Variants in ENPP6 observed in about 807,000 individuals in gnomAD.
ENPP6 encodes glycerophosphocholine cholinephosphodiesterase ENPP6.
A neutral mutation model predicts 42.0 loss-of-function variants in ENPP6; 32 were observed. That is an observed-to-expected ratio of 0.76 (90% CI 0.58 to 1.02). The LOEUF (loss-of-function observed/expected upper bound fraction) is 1.02. Among genes scored for constraint, ENPP6 ranks in the 50% least tolerant of loss-of-function variants. The probability of loss-of-function intolerance (pLI) is 0.00; values close to 1 mark genes in which losing one functional copy is unlikely to be tolerated. For synonymous variants in ENPP6, 213 were observed against 216.0 expected, an observed-to-expected ratio of 0.99 and a Z score of 0.12; for missense variants, 552 against 566.8, an observed-to-expected ratio of 0.97 and a Z score of 0.27.
chr4:184,217,481 T>A, intron 1 of ENPP6, 98 bp downstream of exon 1: 1 of 1,504,202 alleles, frequency 6.6e-7, no homozygotes, highest in South Asian at 1.3e-5. Flanking sequence ...GACTAGAGAA[T>A]CCAGAGCATT....
chr4:184,131,204 C>CTTT (rs879359392), intron 2 of ENPP6, among the ~76,000 whole-genome samples: 9 of 45,204 alleles, frequency 2.0e-4, no homozygotes, highest in South Asian at 8.0e-4. Context: ...TTTCTTTCTT[C>CTTT]TTTCTTTCTT....
At position 184,091,176 on chromosome 4, in the gene ENPP6, G is replaced by C; in HGVS notation, c.*1C>G. 1.9e-6 allele frequency: 3 copies of C among 1,543,930 alleles called. No individual in the cohort carries two copies. The highest frequency in any genetic ancestry group is 2.6e-6 in the Non-Finnish European group (3 of 1,144,648). ...TTTTCTGAGACAAGCAATATGATCA[G>C]TTATGCAAGCAGGAAGAGAAGAATC... On this transcript the variant is annotated 3_prime_UTR_variant, in exon 8 of 8. Coordinates refer to ENST00000296741, the MANE Select transcript of ENPP6 (RefSeq NM_153343.4).
chr4:184,091,894 T>C (rs1735810474), intron 7 of ENPP6, among the ~76,000 whole-genome samples: 1 of 152,092 alleles, frequency 6.6e-6, no homozygotes, highest in Non-Finnish European at 1.5e-5. Context: ...AGATCCTGTC[T>C]CAAAAAAAGG....
chr4:184,100,898 G>C (rs961623264), intron 6 of ENPP6, among the ~76,000 whole-genome samples: 2 of 152,230 alleles, frequency 1.3e-5, no homozygotes, highest in African/African-American at 4.8e-5. Flanking sequence ...GGCCACAGAG[G>C]TGGAGGGCGG....
intron 1 of ENPP6, among the ~76,000 whole-genome samples, chr4:184,181,441 TA>T (rs1381392317): frequency 1.3e-5 from 2 of 152,318 alleles, no homozygotes; most frequent in East Asian, 3.9e-4. Context: ...CTGCCCGAAG[TA>T]ATTTATAGAT....
At chr4:184,112,385 G>A (rs1451923595) in intron 6 of ENPP6, among the ~76,000 whole-genome samples, 3 of 152,178 alleles carry the variant, frequency 2.0e-5, no homozygotes, top group African/African-American at 4.8e-5. Context: ...ACTTTCAAGC[G>A]AACAGGTTAC....
At chr4:184,205,398 C>T (rs1732978440) in intron 1 of ENPP6, among the ~76,000 whole-genome samples, 1 of 152,226 alleles carries the variant, frequency 6.6e-6, no homozygotes, top group African/African-American at 2.4e-5. Context: ...CGATGCCCAG[C>T]TTGGGCCTTT....
intron 2 of ENPP6, among the ~76,000 whole-genome samples, chr4:184,140,069 A>G (rs1472073128): frequency 6.7e-6 from 1 of 149,930 alleles, no homozygotes; most frequent in Non-Finnish European, 1.5e-5. Context: ...GTGAGATGGT[A>G]TCTCATTGTG....
intron 1 of ENPP6, among the ~76,000 whole-genome samples, chr4:184,168,058 C>A (rs1350275093): frequency 1.3e-5 from 2 of 152,070 alleles, no homozygotes; most frequent in Non-Finnish European, 2.9e-5. Context: ...AGGATGAGAA[C>A]TGGCAGGAAC....
At chr4:184,118,029 A>C in intron 3 of ENPP6, 129 bp from the exon 4 acceptor site, 1 of 1,162,994 alleles carries the variant, frequency 8.6e-7, no homozygotes, top group Non-Finnish European at 1.2e-6. Context: ...GACAAAGCCA[A>C]TACCCTAAAA....
chr4:184,113,915 C>CTTTCTT (rs1560981869), intron 5 of ENPP6, among the ~76,000 whole-genome samples: 1 of 127,436 alleles, frequency 7.8e-6, no homozygotes, highest in South Asian at 2.6e-4. Flanking sequence ...TTCTTTCTTT[C>CTTTCTT]TTTCTTTCTT....
At chr4:184,131,957 A>T (rs7695031) in intron 2 of ENPP6, among the ~76,000 whole-genome samples, 97,436 of 151,524 alleles carry the variant, frequency 0.64, 31,598 homozygotes, top group Non-Finnish European at 0.68. Context: ...GTCCTAATTC[A>T]GTCCTAATTC....
At chr4:184,139,523 T>C (rs1230823394) in intron 2 of ENPP6, among the ~76,000 whole-genome samples, 3 of 124,594 alleles carry the variant, frequency 2.4e-5, no homozygotes, top group Admixed American at 9.4e-5. Flanking sequence ...CACCCCACAA[T>C]AGTCCGCAGA....
rs1188025710 is a variant in ENPP6 at position 184,141,240 on chromosome 4, C to G, written c.421+12314G>C. Among the ~76,000 whole-genome samples the G allele has an allele frequency of 2.0e-5, 3 of 152,118 alleles. No individual in the cohort carries two copies. The East Asian group carries it at 5.8e-4, about 29-fold the overall frequency. ...CTGTCTAATCAGGAGTCTGTGGGCC[C>G]CTCTCCTGTATCTCCCACAGGCTCA... On this transcript the variant is annotated intron_variant, in intron 2 of 7. Transcript: ENST00000296741.
Position 184,088,884 on chromosome 4 carries a change from G to A in ENPP6, c.*2293C>T, listed in dbSNP as rs547192313. The A allele has an allele frequency of 2.6e-5, 4 of 152,280 alleles. 1 individual carries two copies. The highest frequency in any genetic ancestry group is 9.6e-5 in the African/African-American group (4 of 41,550). The allele number at this position is 152,280 out of a possible 1,614,324, so 9.4% of individuals were successfully genotyped here. A position where few individuals can be genotyped will look rare whatever the true frequency, so the allele number is the denominator to read the frequency against. ...TATGTAACTTGCAGATTTTCAGGAC[G>A]AGTGAAGGAGGAAAATGGCAGAAGA... On this transcript the variant is annotated 3_prime_UTR_variant, in exon 8 of 8. Coordinates refer to ENST00000296741, the MANE Select transcript of ENPP6 (RefSeq NM_153343.4).
Position 184,091,304 on chromosome 4 carries a change from G to A in ENPP6, c.1196C>T (p.Thr399Ile), listed in dbSNP as rs746657605. Residue 399 changes from threonine (T) to isoleucine (I), a missense_variant, in exon 8 of 8, where the codon ACC (threonine) becomes ATC (isoleucine). By Grantham distance (89) the Thr-to-Ile change is moderately conservative (BLOSUM62 -1). This residue lies in a region of ENPP6 where 545 missense variants were observed against 546.3 expected (regional missense o/e 1.00). Coordinates refer to ENST00000296741, the MANE Select transcript of ENPP6 (RefSeq NM_153343.4). ...YNVMCNVVGITPLPNNGSWSR... is the reference protein window; with the variant it reads ...YNVMCNVVGIIPLPNNGSWSR... ...CCAGGATCCGTTGTTGGGCAGCGGG[G>A]TGATGCCCACCACATTGCACATGAC... is the stretch of plus-strand genomic sequence containing the variant. The A allele has an allele frequency of 3.7e-6, 6 of 1,614,014 alleles. No individual in the cohort carries two copies. Among genetic ancestry groups the A allele is most frequent in the Admixed American group, 1.7e-5 (1 of 59,992 alleles).
intron 2 of ENPP6, among the ~76,000 whole-genome samples, chr4:184,131,185 CTTTCTTTCTTTCTTTCTTCT>C (rs1382742034): frequency 1.6e-5 from 1 of 62,016 alleles, no homozygotes; most frequent in African/African-American, 7.6e-5. Flanking sequence ...TTCTTTCTTT[CTTTCTTTCTTTCTTTCTTCT>C]TTCTTTCTTT....
chr4:184,131,201 C>CT (rs376993212), intron 2 of ENPP6, among the ~76,000 whole-genome samples: 9,292 of 70,440 alleles, frequency 0.13, 709 homozygotes, highest in Non-Finnish European at 0.15. Context: ...TTCTTTCTTT[C>CT]TTCTTTCTTT....
chr4:184,161,868 TG>T (rs1369407177), intron 1 of ENPP6, among the ~76,000 whole-genome samples: 5 of 150,284 alleles, frequency 3.3e-5, no homozygotes, highest in African/African-American at 4.9e-5. Context: ...TAATGGACTT[TG>T]GGGACTTGGG....
Sources: allele counts gnomAD v4.1 joint callset (sites outside exome capture counted in the v4.1 genomes callset), GRCh38; gene constraint gnomAD v4.1.1; regional missense constraint gnomAD v4.1.1; transcripts MANE v1.5; gene names NCBI Gene and HGNC (gene_info 2026-07-23, HGNC 2026-07-21).